CLDN12: variants seen among roughly 807,000 people sequenced by gnomAD.
CLDN12 encodes claudin-12.
Under a neutral mutation model 15.5 loss-of-function variants are expected in CLDN12, and 9 were observed. The ratio of observed to expected loss-of-function variants is 0.58; its 90% CI spans 0.35 to 1.02. The LOEUF is 1.02. Among genes scored for constraint, CLDN12 ranks in the 50% least tolerant of loss-of-function variants. The pLI, the probability that CLDN12 is intolerant of heterozygous loss-of-function variation, is 0.02. For missense variants in CLDN12, 233 were observed against 297.3 expected, an observed-to-expected ratio of 0.78 and a Z score of 1.59; for synonymous variants, 140 against 121.6, an observed-to-expected ratio of 1.15 and a Z score of -1.00.
In CLDN12 at chr7:90,412,964, C is replaced by T. The variant is rs539978988; in HGVS notation, c.288C>T (p.Ile96=). The T allele has an allele frequency of 8.7e-6, 14 of 1,614,162 alleles. No individual in the cohort carries two copies. Among genetic ancestry groups the T allele is most frequent in the African/African-American group, 4.0e-5 (3 of 75,050 alleles). Residue 96 remains isoleucine (I), a synonymous_variant, in exon 4 of 4, where the codon ATC becomes ATT. Transcript: ENST00000496677. ...TTGCCCTACCCCTCAGCATGCTGATCGCCATGGGTGCCCTGCTGCTCTGCC... is the reference window on the plus strand; with the variant it reads ...TTGCCCTACCCCTCAGCATGCTGATTGCCATGGGTGCCCTGCTGCTCTGCC... The part of the protein sequence containing the change: ...LQFALPLSML[I]AMGALLLCLI...
At chr7:90,405,039 T>G (rs1796807639) in intron 1 of CLDN12, among the ~76,000 whole-genome samples, 1 of 152,034 alleles carries the variant, frequency 6.6e-6, no homozygotes, top group Non-Finnish European at 1.5e-5. Context: ...ACAACACGTG[T>G]GCACCATCAC....
At position 90,415,285 on chromosome 7, in the gene CLDN12, A is replaced by G. The variant is rs184613376; in HGVS notation, c.*1874A>G. 2.4e-5 allele frequency: 4 copies of G among 166,422 alleles called. No homozygotes were observed. The Admixed American group carries it at 2.6e-4, about 11-fold the overall frequency. The allele number at this position is 166,422 out of a possible 1,614,324, so 10.3% of individuals were successfully genotyped here. A position where few individuals can be genotyped will look rare whatever the true frequency, so the allele number is the denominator to read the frequency against. Reference sequence around the variant, plus strand: ...GCTGAGTCTTGATCATTTTAAGACAACGATGGGTAGAATTTTGAGATTAAT... The same window carrying G: ...GCTGAGTCTTGATCATTTTAAGACAGCGATGGGTAGAATTTTGAGATTAAT... On this transcript the variant is annotated 3_prime_UTR_variant, in exon 4 of 4. Coordinates refer to ENST00000496677, the MANE Select transcript of CLDN12 (RefSeq NM_001185072.3).
chr7:90,409,354 A>G (rs1412740971), intron 2 of CLDN12, among the ~76,000 whole-genome samples: 1 of 151,784 alleles, frequency 6.6e-6, no homozygotes, highest in African/African-American at 2.4e-5. Flanking sequence ...CTTGAGTAGC[A>G]GGGATTACAG....
intron 2 of CLDN12, among the ~76,000 whole-genome samples, chr7:90,406,616 A>G (rs1009915120): frequency 6.6e-6 from 1 of 152,232 alleles, no homozygotes; most frequent in Non-Finnish European, 1.5e-5. Context: ...TTTGCTATTC[A>G]TGATTTTACT....
chr7:90,407,193 G>A (rs746321455), intron 2 of CLDN12, among the ~76,000 whole-genome samples: 24 of 152,168 alleles, frequency 1.6e-4, no homozygotes, highest in Non-Finnish European at 3.1e-4. Flanking sequence ...CCACCACGCC[G>A]CGCCAGGAAT....
rs564389103 is a variant in CLDN12, at chr7:90,404,725, A to G, written c.-166-794A>G. ...AAATGATCTAAAACATTCATTAAAT[A>G]TCAATCATATATTCCCAAGACAGCA... On this transcript the variant is annotated intron_variant, in intron 1 of 3. Transcript: ENST00000496677. Among the ~76,000 whole-genome samples the G allele has an allele frequency of 1.8e-4, 27 of 152,264 alleles. No homozygotes were observed. The East Asian group carries it at 5.2e-3, about 29-fold the overall frequency.
chr7:90,408,240 CT>C (rs1168436453), intron 2 of CLDN12, among the ~76,000 whole-genome samples: 1 of 152,172 alleles, frequency 6.6e-6, no homozygotes, highest in African/African-American at 2.4e-5. Context: ...TGGTGGCTTA[CT>C]TTTGTAATCC....
chr7:90,406,009 G>A (rs1796828826), intron 2 of CLDN12: 1 of 152,322 alleles, frequency 6.6e-6, no homozygotes, highest in African/African-American at 2.4e-5. Flanking sequence ...AAGCTGAGGT[G>A]GGAGGATTGC....
Position 90,412,858 on chromosome 7 carries a change from A to G in CLDN12, c.182A>G (p.Tyr61Cys), listed in dbSNP as rs371660301. ...GGCCTGTGGGTGAAATGTGCCCGGT[A>G]TGACGGGAGCAGTGACTGCCTGATG... Reference protein sequence around the residue: ...YTGLWVKCARYDGSSDCLMYD... With the variant: ...YTGLWVKCARCDGSSDCLMYD... Residue 61 changes from tyrosine (Y) to cysteine (C), a missense_variant, in exon 4 of 4, where the codon TAT (tyrosine) becomes TGT (cysteine). By Grantham distance (194) the Tyr-to-Cys change is radical. Coordinates refer to ENST00000496677, the MANE Select transcript of CLDN12 (RefSeq NM_001185072.3). 41 of 1,614,122 alleles carry G rather than the reference A, an allele frequency of 2.5e-5. No individual in the cohort carries two copies. Among genetic ancestry groups the G allele is most frequent in the Non-Finnish European group, 3.2e-5 (38 of 1,180,050 alleles).
rs1386395021 is a variant in CLDN12, at chr7:90,414,989, T to C, written c.*1578T>C. 2 of 167,034 alleles carry C rather than the reference T, an allele frequency of 1.2e-5. No individual in the cohort carries two copies. The highest frequency in any genetic ancestry group is 2.9e-5 in the Non-Finnish European group (2 of 68,100). 10.3% of individuals were successfully genotyped at this position (167,034 alleles called of 1,614,324 possible). A position where few individuals can be genotyped will look rare whatever the true frequency, so the allele number is the denominator to read the frequency against. On this transcript the variant is annotated 3_prime_UTR_variant, in exon 4 of 4. Coordinates refer to ENST00000496677, the MANE Select transcript of CLDN12 (RefSeq NM_001185072.3). ...TTAGTACTATATTCGTAAGGATTTT[T>C]TATTAACCATTACAGATTTTACAAA... is the stretch of plus-strand genomic sequence containing the variant.
At chr7:90,404,464 G>A (rs968175616) in intron 1 of CLDN12, among the ~76,000 whole-genome samples, 12 of 152,106 alleles carry the variant, frequency 7.9e-5, no homozygotes, top group Non-Finnish European at 1.2e-4. Context: ...AGAGGAAGTG[G>A]CTAATGTTTA....
intron 1 of CLDN12, among the ~76,000 whole-genome samples, chr7:90,404,240 A>G (rs1796790684): frequency 7.2e-6 from 1 of 139,274 alleles, no homozygotes; most frequent in South Asian, 2.5e-4. Flanking sequence ...GGAGTGTGCA[A>G]TTATGATTGA....
Position 90,413,039 on chromosome 7 carries a change from A to G in CLDN12, c.363A>G (p.Lys121=). The G allele has an allele frequency of 6.2e-7, 1 of 1,614,188 alleles. No homozygotes were observed. Among genetic ancestry groups the G allele is most frequent in the Non-Finnish European group, 8.5e-7 (1 of 1,180,030 alleles). The part of the protein sequence containing the change: ...TAFRSSVPNI[K]LAKCLVNSAG... ...TCAGGTCCTCGGTGCCCAACATCAA[A>G]CTGGCCAAGTGTCTGGTCAATAGTG... The change falls in exon 4 of 4, where the codon AAA becomes AAG. Residue 121 remains lysine, a synonymous_variant. Transcript: ENST00000496677.
Position 90,413,601 on chromosome 7 carries a change from T to G in CLDN12, c.*190T>G. 1 of 1,353,758 alleles carries G rather than the reference T, an allele frequency of 7.4e-7. No homozygotes were observed. The highest frequency in any genetic ancestry group is 9.5e-7 in the Non-Finnish European group (1 of 1,050,858). 83.9% of individuals were successfully genotyped at this position (1,353,758 alleles called of 1,614,324 possible). A position where few individuals can be genotyped will look rare whatever the true frequency, so the allele number is the denominator to read the frequency against. On this transcript the variant is annotated 3_prime_UTR_variant, in exon 4 of 4. Coordinates refer to ENST00000496677, the MANE Select transcript of CLDN12 (RefSeq NM_001185072.3). ...TATATTATATTAAATGTGAATTTTT[T>G]AAATTTTGCTTCTTATACTGGAAGG...
intron 1 of CLDN12, among the ~76,000 whole-genome samples, chr7:90,405,098 T>G (rs769732784): frequency 6.6e-6 from 1 of 152,178 alleles, no homozygotes; most frequent in African/African-American, 2.4e-5. Context: ...AATCTCTCTC[T>G]GTCACCAACA....
At position 90,414,337 on chromosome 7, in the gene CLDN12, GA is replaced by G. The variant is rs140787647; in HGVS notation, c.*928del. The G allele has an allele frequency of 1.0e-5, 10 of 1,000,218 alleles. No individual in the cohort carries two copies. The African/African-American group carries it at 1.7e-4, about 17-fold the overall frequency. 62.0% of individuals were successfully genotyped at this position (1,000,218 alleles called of 1,614,324 possible). ...GGTGACTGCCTTTTGAGTTATGGGT[GA>G]AGTAAGGTATGGCTTTACCATAACC... is the stretch of plus-strand genomic sequence containing the variant. On this transcript the variant is annotated 3_prime_UTR_variant, in exon 4 of 4. Coordinates refer to ENST00000496677, the MANE Select transcript of CLDN12 (RefSeq NM_001185072.3).
At chr7:90,403,583 C>G (rs1796778478) in intron 1 of CLDN12, 34 bp downstream of exon 1, 1 of 152,192 alleles carries the variant, frequency 6.6e-6, no homozygotes, top group Non-Finnish European at 1.5e-5. Context: ...ATTTCTGGGT[C>G]TTTTGCATAA....
intron 2 of CLDN12, among the ~76,000 whole-genome samples, chr7:90,411,424 C>CT (rs1796959799): frequency 6.6e-6 from 1 of 152,122 alleles, no homozygotes; most frequent in Admixed American, 6.5e-5. Flanking sequence ...AAGATGCAAG[C>CT]TTTTTATAGT....
At chr7:90,406,955 G>T (rs999102211) in intron 2 of CLDN12, among the ~76,000 whole-genome samples, 1 of 151,830 alleles carries the variant, frequency 6.6e-6, no homozygotes, top group African/African-American at 2.4e-5. Context: ...ATATTGTTTA[G>T]CTTTAATAAA....
Sources: allele counts gnomAD v4.1 joint callset (sites outside exome capture counted in the v4.1 genomes callset), GRCh38; gene constraint gnomAD v4.1.1; transcripts MANE v1.5; gene names NCBI Gene and HGNC (gene_info 2026-07-23, HGNC 2026-07-21).